VPS13A: variants seen among roughly 807,000 people sequenced by gnomAD.
VPS13A encodes the protein vacuolar protein sorting 13 homolog A.
VPS13A carries 264 observed loss-of-function variants against 390.9 expected under a neutral mutation model. The observed-to-expected ratio is 0.68, with a 90% CI of 0.61 to 0.75. VPS13A has a LOEUF of 0.75. Ranked by LOEUF, VPS13A falls within the 30% of genes least tolerant of loss-of-function variation. The pLI is 0.00. For synonymous variants in VPS13A, 1,231 were observed against 1,227.1 expected (o/e 1.00, Z -0.07); for missense variants, 3,409 against 3,733.9 (o/e 0.91, Z 2.27).
chr9:77,229,832 A>G (rs1823723986), intron 17 of VPS13A, among the ~76,000 whole-genome samples: 1 of 152,134 alleles, frequency 6.6e-6, no homozygotes, highest in East Asian at 1.9e-4. Flanking sequence ...TAACCTTTTG[A>G]GGAACTACCA....
Position 77,417,628 on chromosome 9 carries a change from T to C in VPS13A, c.*1622T>C, listed in dbSNP as rs1263296221. ...TCAGAATTAAACTTAACAGTAGAGGTAGTCAGAAAGCTTGCATCAGACTGT... is the reference window on the plus strand; with the variant it reads ...TCAGAATTAAACTTAACAGTAGAGGCAGTCAGAAAGCTTGCATCAGACTGT... On this transcript the variant is annotated 3_prime_UTR_variant, in exon 72 of 72. Transcript: ENST00000360280. The C allele has an allele frequency of 6.6e-6, 1 of 152,110 alleles. No individual in the cohort carries two copies. Among genetic ancestry groups the C allele is most frequent in the African/African-American group, 2.4e-5 (1 of 41,412 alleles). The allele number at this position is 152,110 out of a possible 1,614,324, so 9.4% of individuals were successfully genotyped here.
In VPS13A at chr9:77,295,962, A is replaced by G. The variant is rs879050109; in HGVS notation, c.3812+116A>G. ...GATTTTATTTTATTAATTATACATA[A>G]CTTAGTGATTCTCTCTTCCTTAAGT... On this transcript the variant is annotated intron_variant, in intron 33 of 71. Transcript: ENST00000360280. The G allele has an allele frequency of 4.5e-5, 48 of 1,060,540 alleles. No homozygotes were observed. In the South Asian group the frequency reaches 6.2e-4, roughly 14 times the overall value. 65.7% of individuals were successfully genotyped at this position (1,060,540 alleles called of 1,614,324 possible).
chr9:77,337,646 C>T, intron 47 of VPS13A, 109 bp downstream of exon 47: 1 of 1,125,548 alleles, frequency 8.9e-7, no homozygotes, highest in East Asian at 2.6e-5. Flanking sequence ...AATTAGAATA[C>T]TAGTAAAGAA....
chr9:77,205,437 T>A, intron 4 of VPS13A, 29 bp downstream of exon 4: 1 of 1,110,734 alleles, frequency 9.0e-7, no homozygotes, highest in Non-Finnish European at 1.2e-6. Flanking sequence ...AATTATAATT[T>A]AAGTTATTCT....
Position 77,418,955 on chromosome 9 carries a change from G to C in VPS13A, c.*2949G>C, listed in dbSNP as rs181661118. 6.6e-6 allele frequency: 1 copy of C among 152,294 alleles called. No homozygotes were observed. The highest frequency in any genetic ancestry group is 1.9e-4 in the East Asian group (1 of 5,180). 9.4% of individuals were successfully genotyped at this position (152,294 alleles called of 1,614,324 possible). A position where few individuals can be genotyped will look rare whatever the true frequency, so the allele number is the denominator to read the frequency against. On this transcript the variant is annotated 3_prime_UTR_variant, in exon 72 of 72. Transcript: ENST00000360280. ...CACCTAAATTATTCAGTTATCACTT[G>C]CCAGTATTAGTTGATCCTTCAGGCT...
chr9:77,321,613 CA>C lies in VPS13A; in HGVS notation c.5699del (p.Asn1900ThrfsTer10), dbSNP rs1484976416. The C allele has an allele frequency of 6.2e-7, 1 of 1,613,216 alleles. No individual in the cohort carries two copies. Among genetic ancestry groups the C allele is most frequent in the Non-Finnish European group, 8.5e-7 (1 of 1,179,590 alleles). On this transcript the variant is annotated frameshift_variant, in exon 44 of 72. Coordinates refer to ENST00000360280, the MANE Select transcript of VPS13A (RefSeq NM_033305.3). LOFTEE classifies it high-confidence loss of function. The part of the protein sequence containing the change: ...VSPSDSFSVL[N>X]IPMAKSYVLK... Reference sequence around the variant, plus strand: ...CGCCAAGTGATTCTTTTAGTGTACTCAACATTCCTATGGCAAAATCATATGT... The same window carrying C: ...CGCCAAGTGATTCTTTTAGTGTACTCACATTCCTATGGCAAAATCATATGT...
At chr9:77,349,935 C>G (rs564809382) in intron 52 of VPS13A, among the ~76,000 whole-genome samples, 2 of 152,082 alleles carry the variant, frequency 1.3e-5, no homozygotes, top group Non-Finnish European at 2.9e-5. Flanking sequence ...TGAACCACCG[C>G]GCCCAGCCCA....
chr9:77,335,627 G>T (rs1456080676), intron 46 of VPS13A, among the ~76,000 whole-genome samples: 1 of 152,192 alleles, frequency 6.6e-6, no homozygotes, highest in African/African-American at 2.4e-5. Flanking sequence ...GGTCATTAGA[G>T]AAATGCAAAT....
chr9:77,391,384 A>G (rs1432689236), intron 68 of VPS13A, among the ~76,000 whole-genome samples: 1 of 152,250 alleles, frequency 6.6e-6, no homozygotes, highest in Admixed American at 6.5e-5. Flanking sequence ...TTGCCGAATG[A>G]AAGTTATCAT....
intron 33 of VPS13A, among the ~76,000 whole-genome samples, chr9:77,301,614 A>G (rs1413691616): frequency 1.3e-5 from 2 of 152,192 alleles, no homozygotes; most frequent in Non-Finnish European, 2.9e-5. Context: ...TTAAAATATA[A>G]GTACATTATT....
chr9:77,415,005 C>T (rs1443571803), intron 71 of VPS13A, among the ~76,000 whole-genome samples: 1 of 152,090 alleles, frequency 6.6e-6, no homozygotes, highest in Non-Finnish European at 1.5e-5. Context: ...TCTAGACATT[C>T]TGATATAAGG....
intron 1 of VPS13A, among the ~76,000 whole-genome samples, chr9:77,182,914 T>C (rs1352149485): frequency 1.3e-5 from 2 of 152,212 alleles, no homozygotes; most frequent in African/African-American, 4.8e-5. Flanking sequence ...ACCGCCATGA[T>C]ACCAGAAGCA....
chr9:77,198,037 A>G, intron 1 of VPS13A, among the ~76,000 whole-genome samples: 1 of 152,194 alleles, frequency 6.6e-6, no homozygotes, highest in African/African-American at 2.4e-5. Context: ...CTGGGAATAT[A>G]TGTATCCACT....
intron 71 of VPS13A, 32 bp downstream of exon 71, chr9:77,407,639 A>T: frequency 6.7e-7 from 1 of 1,492,812 alleles, no homozygotes; most frequent in African/African-American, 1.4e-5. Context: ...TTTAAATAGG[A>T]GCTGCTCACT....
At chr9:77,399,167 TAAAAAAAAAAAAATAAAAAAAAAAAAAAA>T (rs1177349753) in intron 68 of VPS13A, among the ~76,000 whole-genome samples, 2 of 86,060 alleles carry the variant, frequency 2.3e-5, no homozygotes, top group Non-Finnish European at 5.0e-5. Context: ...TAGAGTATAA[TAAAAAAAAAAAAATAAAAAAAAAAAAAAA>T]AAAAAAAAAC....
rs139216375 is a variant in VPS13A at position 77,367,403 on chromosome 9, G to T, written c.8471+531G>T. 3.6e-4 allele frequency among the ~76,000 whole-genome samples: 55 copies of T among 152,290 alleles called. No homozygotes were observed. The East Asian group carries it at 7.1e-3, about 20-fold the overall frequency. On this transcript the variant is annotated intron_variant, in intron 61 of 71. Coordinates refer to ENST00000360280, the MANE Select transcript of VPS13A (RefSeq NM_033305.3). ...TAGAAGAGAATAACCCTTTCAAGTA[G>T]CATCTAGAATTGATTATTAAGAACA...
At chr9:77,206,854 TC>T (rs1227812503) in intron 5 of VPS13A, among the ~76,000 whole-genome samples, 2 of 150,334 alleles carry the variant, frequency 1.3e-5, no homozygotes, top group African/African-American at 4.9e-5. Context: ...GCATTGATTT[TC>T]TTTTAATAAA....
At chr9:77,389,633 T>C (rs1032514177) in intron 68 of VPS13A, 2 of 152,128 alleles carry the variant, frequency 1.3e-5, no homozygotes, top group Non-Finnish European at 2.9e-5. Context: ...TGTAGAAGCT[T>C]TTTTCTTTTT....
chr9:77,402,789 G>T (rs1176540404), intron 68 of VPS13A, among the ~76,000 whole-genome samples: 1 of 152,128 alleles, frequency 6.6e-6, no homozygotes, highest in Non-Finnish European at 1.5e-5. Flanking sequence ...GATTGACAAA[G>T]AAAAGCATAT....
Sources: allele counts gnomAD v4.1 joint callset (sites outside exome capture counted in the v4.1 genomes callset), GRCh38; gene constraint gnomAD v4.1.1; transcripts MANE v1.5; gene names NCBI Gene and HGNC (gene_info 2026-07-23, HGNC 2026-07-21).